Variants in MADD observed in about 807,000 individuals in gnomAD.
The protein encoded by MADD is MAP kinase-activating death domain protein.
In MADD, 109 loss-of-function variants were observed where a neutral mutation model predicts 176.7. The observed-to-expected ratio is 0.62, with a 90% CI of 0.53 to 0.72. The LOEUF (loss-of-function observed/expected upper bound fraction) is 0.72. Among genes scored for constraint, MADD ranks in the 30% least tolerant of loss-of-function variants. The pLI is 0.00. For synonymous variants in MADD, 771 were observed against 771.3 expected, an observed-to-expected ratio of 1.00 and a Z score of 0.01; for missense variants, 1,914 against 2,045.5, an observed-to-expected ratio of 0.94 and a Z score of 1.24.
At chr11:47,276,795 A>G in exon 5 of MADD, 1 of 1,614,172 alleles carries the variant, frequency 6.2e-7, no homozygotes, top group South Asian at 1.1e-5. Flanking sequence ...CGTGGCAATG[A>G]TCTACCCACT....
chr11:47,271,064 G>C (rs779859597), intron 1 of MADD: 1 of 152,234 alleles, frequency 6.6e-6, no homozygotes, highest in Non-Finnish European at 1.5e-5. Context: ...AAAAGTTTGT[G>C]AATCCTAAAT....
At chr11:47,274,709 G>A in exon 3 of MADD, 5 of 1,614,222 alleles carry the variant, frequency 3.1e-6, no homozygotes, top group Non-Finnish European at 4.2e-6. Context: ...CGGCGCATGA[G>A]CCTTCGGGAT....
chr11:47,325,025 G>GC lies in MADD; in HGVS notation c.4542+449dup, dbSNP rs2095262939. 28 of 518,554 alleles carry GC rather than the reference G, an allele frequency of 5.4e-5. No homozygotes were observed. Among genetic ancestry groups the GC allele is most frequent in the Middle Eastern group, 5.1e-4 (1 of 1,952 alleles). 32.1% of individuals were successfully genotyped at this position (518,554 alleles called of 1,614,324 possible). A position where few individuals can be genotyped will look rare whatever the true frequency, so the allele number is the denominator to read the frequency against. ...CGTGTGCGTGCGTGCGTGCCTGCGTGCTTGTGTGTAAGTAGCTTGTATCTG... is the reference window on the plus strand; with the variant it reads ...CGTGTGCGTGCGTGCGTGCCTGCGTGCCTTGTGTGTAAGTAGCTTGTATCTG... On this transcript the variant is annotated intron_variant, in intron 30 of 32. Coordinates refer to ENST00000402192, the Ensembl canonical transcript of MADD. The surrounding 1 kb of genome is among the most constrained non-coding windows in gnomAD (Gnocchi z 4.5).
At chr11:47,296,764 G>GTTTTTTTTTTTTTT (rs753454831) in intron 22 of MADD, among the ~76,000 whole-genome samples, 1 of 116,916 alleles carries the variant, frequency 8.6e-6, no homozygotes. Flanking sequence ...GTTTTTTGTT[G>GTTTTTTTTTTTTTT]TTTTTTTTTT....
rs774564530 is a variant in MADD, at chr11:47,284,579, G to A, written c.2157+14G>A. ...GGAGCCAACTCTGTAAGTGAGGAGC[G>A]GTGGATGAGTGAGAACCATGGCCTG... On this transcript the variant is annotated intron_variant, in intron 12 of 32. Coordinates refer to ENST00000402192, the Ensembl canonical transcript of MADD. 16 of 1,611,576 alleles carry A rather than the reference G, an allele frequency of 9.9e-6. No homozygotes were observed. The highest frequency in any genetic ancestry group is 9.4e-5 in the African/African-American group (7 of 74,836).
At chr11:47,289,275 A>G (rs1451140030) in intron 15 of MADD, 116 bp from the exon 17 acceptor site, 1 of 908,748 alleles carries the variant, frequency 1.1e-6, no homozygotes, top group East Asian at 2.4e-5. Flanking sequence ...CCTTGGTGCT[A>G]CCCTCACCCA....
At position 47,281,724 on chromosome 11, in the gene MADD, T is replaced by C. The variant is rs326217; in HGVS notation, c.1440T>C (p.Asn480=). The C allele has an allele frequency of 0.3, 477,630 of 1,609,658 alleles. 71,885 individuals are homozygous for C. Among genetic ancestry groups the C allele is most frequent in the Admixed American group, 0.38 (22,614 of 59,854 alleles). The change falls in exon 8 of 33, where the codon AAT becomes AAC. Residue 480 remains asparagine (N), a synonymous_variant. Coordinates refer to ENST00000402192, the Ensembl canonical transcript of MADD. ...AATTCAACCCACTCATCTATGGCAA[T>C]GATGTGGATTCTGTGGATGTTGCAA...
chr11:47,274,672 C>G, exon 3 of MADD: 1 of 1,614,232 alleles, frequency 6.2e-7, no homozygotes, highest in Non-Finnish European at 8.5e-7. Flanking sequence ...CTTCTGCCAG[C>G]CCGAGGGCTG....
chr11:47,320,703 C>T (rs544124389), intron 27 of MADD, among the ~76,000 whole-genome samples: 1 of 151,474 alleles, frequency 6.6e-6, no homozygotes, highest in African/African-American at 2.4e-5. Context: ...GGGAGGTTCG[C>T]TTGAGCCCAG....
chr11:47,284,727 AC>A (rs1245608822), intron 12 of MADD, among the ~76,000 whole-genome samples, 162 bp downstream of exon 12: 1 of 151,812 alleles, frequency 6.6e-6, no homozygotes, highest in Non-Finnish European at 1.5e-5. Flanking sequence ...CCTACTTTTG[AC>A]CCCAAAAGGA....
intron 27 of MADD, among the ~76,000 whole-genome samples, chr11:47,318,789 ATTTTTTTTTTTTTTTTT>A (rs57548484): frequency 1.1e-3 from 91 of 82,476 alleles, no homozygotes; most frequent in Admixed American, 5.2e-3. Context: ...CAGTTTGGGA[ATTTTTTTTTTTTTTTTT>A]TTTTTTTTTT....
At chr11:47,296,346 A>G (rs1405533938) in intron 22 of MADD, among the ~76,000 whole-genome samples, 1 of 152,220 alleles carries the variant, frequency 6.6e-6, no homozygotes, top group Non-Finnish European at 1.5e-5. Flanking sequence ...GGTTTAACAC[A>G]GGCAAAGTAA....
intron 22 of MADD, among the ~76,000 whole-genome samples, chr11:47,300,745 G>T (rs559976340): frequency 7.2e-5 from 11 of 151,990 alleles, no homozygotes; most frequent in African/African-American, 2.4e-4. Context: ...TGATCTGCCC[G>T]CCTCAGCCTC....
At chr11:47,275,629 T>C (rs769914898) in intron 3 of MADD, among the ~76,000 whole-genome samples, 3 of 152,258 alleles carry the variant, frequency 2.0e-5, no homozygotes, top group Non-Finnish European at 4.4e-5. Flanking sequence ...GCTGCAGAGT[T>C]AGACCTCTTT....
intron 19 of MADD, among the ~76,000 whole-genome samples, chr11:47,291,063 G>T (rs968351806): frequency 1.3e-5 from 2 of 150,372 alleles, no homozygotes; most frequent in African/African-American, 4.9e-5. Context: ...GCCCAATGAG[G>T]CTTACTGCAG....
intron 27 of MADD, 142 bp from the exon 31 acceptor site, chr11:47,323,529 G>T: frequency 1.4e-6 from 1 of 724,668 alleles, no homozygotes. Flanking sequence ...TCTGTTTTGT[G>T]TCTTCACCTA....
chr11:47,289,944 A>G, exon 17 of MADD: 2 of 1,614,186 alleles, frequency 1.2e-6, no homozygotes, highest in South Asian at 2.2e-5. Flanking sequence ...AACATGAAAA[A>G]GGTGCGCCGG....
chr11:47,326,537 C>T lies in MADD; in HGVS notation c.4543-201C>T, dbSNP rs751792250. ...CATTTCTCTCCCATGCTTTCTCCTC[C>T]GGCCAGGAGCGGAAGGTACATGCCC... On this transcript the variant is annotated intron_variant, in intron 30 of 32. Transcript: ENST00000402192. 135 of 1,371,742 alleles carry T rather than the reference C, an allele frequency of 9.8e-5. No individual in the cohort carries two copies. The highest frequency in any genetic ancestry group is 1.2e-4 in the Non-Finnish European group (126 of 1,063,552). The allele number at this position is 1,371,742 out of a possible 1,614,324, so 85.0% of individuals were successfully genotyped here.
At position 47,325,141 on chromosome 11, in the gene MADD, T is replaced by A; in HGVS notation, c.4542+564T>A. On this transcript the variant is annotated intron_variant, in intron 30 of 32. Coordinates refer to ENST00000402192, the Ensembl canonical transcript of MADD. The surrounding 1 kb of genome is among the most constrained non-coding windows in gnomAD (Gnocchi z 4.5). Reference sequence around the variant, plus strand: ...CTCTGAGTGTTCCCACTCTGTCCCCTGCTCCACAGGCCCCATTCCCTTTCT... The same window carrying A: ...CTCTGAGTGTTCCCACTCTGTCCCCAGCTCCACAGGCCCCATTCCCTTTCT... 4.8e-6 allele frequency: 1 copy of A among 208,696 alleles called. No individual in the cohort carries two copies. Among genetic ancestry groups the A allele is most frequent in the Non-Finnish European group, 9.7e-6 (1 of 103,158 alleles). 12.9% of individuals were successfully genotyped at this position (208,696 alleles called of 1,614,324 possible).
Sources: gnomAD v4.1 joint callset for allele counts (sites outside exome capture counted in the v4.1 genomes callset) on GRCh38, gnomAD v4.1.1 for gene constraint, Gnocchi (gnomAD v3.1) non-coding constraint, MANE v1.5 for transcripts, NCBI Gene and HGNC (gene_info 2026-07-23, HGNC 2026-07-21) for gene names.